Variants in CLEC16A observed in about 807,000 individuals in gnomAD.
CLEC16A encodes the protein protein CLEC16A.
Under a neutral mutation model 109.5 loss-of-function variants are expected in CLEC16A, and 51 were observed. The observed-to-expected ratio is 0.47, with a 90% CI of 0.37 to 0.59. The LOEUF (loss-of-function observed/expected upper bound fraction) is 0.59, where lower values mean the gene tolerates loss of function less well. Ranked by LOEUF, CLEC16A falls within the 20% of genes least tolerant of loss-of-function variation. CLEC16A has a pLI of 0.00. For synonymous variants in CLEC16A, 673 were observed against 564.2 expected (o/e 1.19, Z -2.73); for missense variants, 1,339 against 1,394.0 (o/e 0.96, Z 0.63).
Position 11,097,890 on chromosome 16 carries a change from G to T in CLEC16A, c.2117-22725G>T, listed in dbSNP as rs148108317. Among the ~76,000 whole-genome samples, 10 of 152,320 alleles carry T rather than the reference G, an allele frequency of 6.6e-5. No homozygotes were observed. The East Asian group carries it at 1.9e-3, about 29-fold the overall frequency. Reference sequence around the variant, plus strand: ...TCCACCAACTTCAGTGTTGGCTCAGGGTATGACCTTGGGCAGGTTTGTCTC... The same window carrying T: ...TCCACCAACTTCAGTGTTGGCTCAGTGTATGACCTTGGGCAGGTTTGTCTC... On this transcript the variant is annotated intron_variant, in intron 19 of 23. Coordinates refer to ENST00000409790, the MANE Select transcript of CLEC16A (RefSeq NM_015226.3).
intron 19 of CLEC16A, among the ~76,000 whole-genome samples, chr16:11,105,072 C>A (rs1287371697): frequency 6.6e-6 from 1 of 152,170 alleles, no homozygotes; most frequent in Non-Finnish European, 1.5e-5. Flanking sequence ...CATTTGGCTG[C>A]CTCACAGAGT....
rs1221320321 is a variant in CLEC16A at position 10,954,668 on chromosome 16, C to T, written c.81-3114C>T. 6.6e-6 allele frequency among the ~76,000 whole-genome samples: 1 copy of T among 152,182 alleles called. No homozygotes were observed. ...GAGGTGTGCTCAGACCCAGGCATTC[C>T]AGTGTCTGTGATTAACCCTATGTTC... On this transcript the variant is annotated intron_variant, in intron 1 of 23. Coordinates refer to ENST00000409790, the MANE Select transcript of CLEC16A (RefSeq NM_015226.3). This position sits in a 1 kb window ranked among gnomAD's most constrained non-coding sequence, Gnocchi z 4.2.
At chr16:11,156,804 A>T in intron 22 of CLEC16A, 1 of 568,238 alleles carries the variant, frequency 1.8e-6, no homozygotes, top group Non-Finnish European at 2.9e-6. Context: ...ACTGCGAGAG[A>T]TTCCAAGATC....
At chr16:11,107,040 G>A (rs1482043837) in intron 19 of CLEC16A, among the ~76,000 whole-genome samples, 1 of 152,208 alleles carries the variant, frequency 6.6e-6, no homozygotes, top group Non-Finnish European at 1.5e-5. Context: ...GTTACTCTTG[G>A]TGGTGTGGGC....
chr16:10,952,152 A>G (rs1205157344), intron 1 of CLEC16A, among the ~76,000 whole-genome samples: 1 of 152,186 alleles, frequency 6.6e-6, no homozygotes, highest in African/African-American at 2.4e-5. Context: ...ATTGTTGTCA[A>G]AGTTTCCTAC....
At chr16:11,089,539 A>G (rs1597349782) in intron 19 of CLEC16A, among the ~76,000 whole-genome samples, 1 of 151,982 alleles carries the variant, frequency 6.6e-6, no homozygotes, top group Non-Finnish European at 1.5e-5. Flanking sequence ...TGCCCATCAA[A>G]CCTCCTGCCA....
Position 10,974,913 on chromosome 16 carries a change from A to G in CLEC16A, c.728+1852A>G, listed in dbSNP as rs144823185. ...GTGGGGAAGGGGCAGAGAGAATGGA[A>G]GAGTTCTGTCATAACAGGAGGTCAA... On this transcript the variant is annotated intron_variant, in intron 7 of 23. Coordinates refer to ENST00000409790, the MANE Select transcript of CLEC16A (RefSeq NM_015226.3). 9.5e-3 allele frequency among the ~76,000 whole-genome samples: 1,450 copies of G among 152,380 alleles called. 17 individuals carry two copies. In the Middle Eastern group the frequency reaches 0.13, roughly 14 times the overall value.
intron 19 of CLEC16A, among the ~76,000 whole-genome samples, chr16:11,081,115 C>A (rs919235407): frequency 6.6e-5 from 10 of 152,348 alleles, no homozygotes; most frequent in Non-Finnish European, 1.5e-4. Context: ...AGCTACCCCT[C>A]AAATGCTCTT....
intron 10 of CLEC16A, among the ~76,000 whole-genome samples, chr16:10,985,912 G>A (rs1051731970): frequency 1.3e-5 from 2 of 150,364 alleles, no homozygotes; most frequent in African/African-American, 2.5e-5. Flanking sequence ...CACCATGTTG[G>A]CCAGGCTGCT....
chr16:10,950,887 C>G (rs2145749487), intron 1 of CLEC16A, among the ~76,000 whole-genome samples: 1 of 152,310 alleles, frequency 6.6e-6, no homozygotes, highest in East Asian at 1.9e-4. Flanking sequence ...CCCCACCTTG[C>G]AAATGTACAT....
At chr16:10,987,301 G>A (rs182094796) in intron 10 of CLEC16A, among the ~76,000 whole-genome samples, 1 of 152,236 alleles carries the variant, frequency 6.6e-6, no homozygotes, top group East Asian at 1.9e-4. Context: ...TCACAAGCAG[G>A]ATATTGACAG....
intron 10 of CLEC16A, among the ~76,000 whole-genome samples, chr16:10,992,590 T>C (rs1270014327): frequency 6.6e-6 from 1 of 151,964 alleles, no homozygotes; most frequent in Non-Finnish European, 1.5e-5. Flanking sequence ...TCAAATAATA[T>C]TGTGCTGGGT....
intron 23 of CLEC16A, 124 bp downstream of exon 23, chr16:11,166,676 G>C (rs1403945922): frequency 4.0e-6 from 4 of 990,034 alleles, no homozygotes; most frequent in Non-Finnish European, 5.7e-6. Context: ...TGCCGCTCAG[G>C]TGATCTGCAC....
chr16:11,121,488 G>A (rs1004524011), intron 20 of CLEC16A, among the ~76,000 whole-genome samples: 1 of 152,046 alleles, frequency 6.6e-6, no homozygotes, highest in Admixed American at 6.5e-5. Context: ...ATTCCCTTCC[G>A]CTCAACGTCA....
intron 1 of CLEC16A, among the ~76,000 whole-genome samples, chr16:10,946,624 G>A (rs972300664): frequency 6.6e-6 from 1 of 152,136 alleles, no homozygotes; most frequent in African/African-American, 2.4e-5. Flanking sequence ...ATCCAGAGGA[G>A]GTTGGGCCTC....
chr16:11,014,750 C>G (rs1309017982), intron 11 of CLEC16A, among the ~76,000 whole-genome samples: 2 of 152,222 alleles, frequency 1.3e-5, no homozygotes, highest in African/African-American at 2.4e-5. Flanking sequence ...ACATAGCCTA[C>G]TGAGCTGCTT....
chr16:10,964,021 C>A (rs2042381027), intron 3 of CLEC16A, among the ~76,000 whole-genome samples: 1 of 152,226 alleles, frequency 6.6e-6, no homozygotes. Flanking sequence ...CCGGGCCCTG[C>A]CCGCCAGAAG....
chr16:11,063,916 G>A (rs986388591), intron 19 of CLEC16A, among the ~76,000 whole-genome samples: 1 of 151,672 alleles, frequency 6.6e-6, no homozygotes, highest in African/African-American at 2.4e-5. Flanking sequence ...GGGGTGGGAA[G>A]GAAGAGAGAG....
rs899799170 is a variant in CLEC16A, at chr16:11,178,274, C to T, written c.2807-61C>T. 9.7e-6 allele frequency: 14 copies of T among 1,447,646 alleles called. No individual in the cohort carries two copies. The highest frequency in any genetic ancestry group is 8.9e-5 in the Admixed American group (5 of 56,166). The allele number at this position is 1,447,646 out of a possible 1,614,324, so 89.7% of individuals were successfully genotyped here. ...CGCGGTTCAGGATGGGAGCACAGGGCGCAGTGCGACGGGGTGTCTCAAGGG... is the reference window on the plus strand; with the variant it reads ...CGCGGTTCAGGATGGGAGCACAGGGTGCAGTGCGACGGGGTGTCTCAAGGG... On this transcript the variant is annotated intron_variant, in intron 23 of 23. Coordinates refer to ENST00000409790, the MANE Select transcript of CLEC16A (RefSeq NM_015226.3). This position sits in a 1 kb window ranked among gnomAD's most constrained non-coding sequence, Gnocchi z 6.5.
Sources: allele counts gnomAD v4.1 joint callset (sites outside exome capture counted in the v4.1 genomes callset), GRCh38; gene constraint gnomAD v4.1.1; non-coding constraint Gnocchi (gnomAD v3.1); transcripts MANE v1.5; gene names NCBI Gene and HGNC (gene_info 2026-07-23, HGNC 2026-07-21).